NOL4: variants seen among roughly 807,000 people sequenced by gnomAD.
The protein encoded by NOL4 is cancer/testis antigen 125.
A neutral mutation model predicts 75.9 loss-of-function variants in NOL4; 17 were observed. That is an observed-to-expected ratio of 0.22 (90% CI 0.15 to 0.34). The LOEUF is 0.34. Among genes scored for constraint, NOL4 ranks in the 10% least tolerant of loss-of-function variants. NOL4 has a pLI of 1.00. For missense variants in NOL4, 614 were observed against 793.5 expected, an observed-to-expected ratio of 0.77 and a Z score of 2.72; for synonymous variants, 292 against 289.9, an observed-to-expected ratio of 1.01 and a Z score of -0.07.
intron 6 of NOL4, among the ~76,000 whole-genome samples, chr18:33,997,937 GC>G (rs2073413230): frequency 6.6e-6 from 1 of 151,706 alleles, no homozygotes; most frequent in Non-Finnish European, 1.5e-5. Flanking sequence ...TGTCCATTGG[GC>G]TGAATAATGA....
chr18:34,007,796 G>C (rs2074121219), intron 6 of NOL4, among the ~76,000 whole-genome samples: 1 of 152,014 alleles, frequency 6.6e-6, no homozygotes, highest in Non-Finnish European at 1.5e-5. Context: ...TAGTATAGTT[G>C]TATCATGTCA....
chr18:34,161,861 A>G (rs952908381), intron 1 of NOL4, among the ~76,000 whole-genome samples: 6 of 152,182 alleles, frequency 3.9e-5, no homozygotes, highest in African/African-American at 1.4e-4. Flanking sequence ...GAAATATTCA[A>G]CTTTATAAGG....
intron 2 of NOL4, among the ~76,000 whole-genome samples, chr18:34,110,933 C>T (rs559288236): frequency 5.3e-5 from 8 of 151,918 alleles, no homozygotes; most frequent in Non-Finnish European, 7.4e-5. Context: ...TTTAAAATAG[C>T]ATCAAAAATA....
chr18:34,105,167 T>C lies in NOL4; in HGVS notation c.415-7A>G, dbSNP rs370080852. The C allele has an allele frequency of 6.4e-6, 10 of 1,565,930 alleles. No individual in the cohort carries two copies. The highest frequency in any genetic ancestry group is 8.8e-6 in the Non-Finnish European group (10 of 1,136,866). On this transcript the variant is annotated splice_region_variant and splice_polypyrimidine_tract_variant and intron_variant, in intron 2 of 10. Coordinates refer to ENST00000261592, the MANE Select transcript of NOL4 (RefSeq NM_003787.5). ...AGGCATAGCTCTCTGAAATCTGAAA[T>C]GATTCACAAAATACAGGTGTTATTA... is the stretch of plus-strand genomic sequence containing the variant.
chr18:33,853,081 C>T (rs1324027467), intron 10 of NOL4, 46 bp from the exon 11 acceptor site: 2 of 1,503,412 alleles, frequency 1.3e-6, no homozygotes, highest in African/African-American at 2.8e-5. Flanking sequence ...ATTATTTGTT[C>T]CAGCATCTTG....
chr18:34,095,636 T>C lies in NOL4; in HGVS notation c.640-2039A>G, dbSNP rs146659299. Among the ~76,000 whole-genome samples the C allele has an allele frequency of 2.3e-3, 352 of 152,262 alleles. 1 individual carries two copies. Among genetic ancestry groups the C allele is most frequent in the African/African-American group, 8.1e-3 (335 of 41,560 alleles). Reference sequence around the variant, plus strand: ...ACATGTGGAGTGAGGGCGTGTACTATATTTAAAGTATCTAGAACAATGTCA... The same window carrying C: ...ACATGTGGAGTGAGGGCGTGTACTACATTTAAAGTATCTAGAACAATGTCA... On this transcript the variant is annotated intron_variant, in intron 4 of 10. Transcript: ENST00000261592.
intron 8 of NOL4, among the ~76,000 whole-genome samples, chr18:33,947,260 T>C (rs892730726): frequency 6.6e-6 from 1 of 151,790 alleles, no homozygotes; most frequent in Non-Finnish European, 1.5e-5. Context: ...TTCTGAACTC[T>C]CCTTTTCATC....
intron 8 of NOL4, among the ~76,000 whole-genome samples, chr18:33,953,503 A>T (rs1370508656): frequency 6.6e-6 from 1 of 150,782 alleles, no homozygotes; most frequent in Non-Finnish European, 1.5e-5. Flanking sequence ...TGTAAGATTT[A>T]TTTGGGAAAC....
intron 5 of NOL4, among the ~76,000 whole-genome samples, chr18:34,051,837 A>T (rs978433776): frequency 2.0e-5 from 3 of 152,032 alleles, no homozygotes; most frequent in Non-Finnish European, 4.4e-5. Flanking sequence ...TTTAAGTATT[A>T]GTGCTTCAGA....
intron 1 of NOL4, among the ~76,000 whole-genome samples, chr18:34,185,628 T>C (rs1029583388): frequency 5.9e-5 from 9 of 152,182 alleles, no homozygotes; most frequent in Middle Eastern, 3.2e-3. Context: ...TCTACTCTTT[T>C]CAATTGTGTT....
At chr18:34,173,366 T>C (rs2033231168) in intron 1 of NOL4, among the ~76,000 whole-genome samples, 1 of 152,034 alleles carries the variant, frequency 6.6e-6, no homozygotes, top group African/African-American at 2.4e-5. Flanking sequence ...TGATATTTGA[T>C]GAGAGGGCAG....
chr18:33,884,811 T>G (rs1188001049), intron 9 of NOL4, among the ~76,000 whole-genome samples: 2 of 152,130 alleles, frequency 1.3e-5, no homozygotes. Flanking sequence ...ATTAGTTTGC[T>G]CTATTGAAAC....
rs565047860 is a variant in NOL4, at chr18:33,914,278, G to C, written c.1542+28787C>G. Among the ~76,000 whole-genome samples the C allele has an allele frequency of 1.8e-4, 28 of 152,102 alleles. No homozygotes were observed. In the South Asian group the frequency reaches 5.8e-3, roughly 32 times the overall value. On this transcript the variant is annotated intron_variant, in intron 9 of 10. Coordinates refer to ENST00000261592, the MANE Select transcript of NOL4 (RefSeq NM_003787.5). ...GTGGGGATAGCATTCTAAGTAGAAGGAATAAGTGCAAAGACCCTGAGACAG... is the reference window on the plus strand; with the variant it reads ...GTGGGGATAGCATTCTAAGTAGAAGCAATAAGTGCAAAGACCCTGAGACAG...
chr18:33,864,144 C>A (rs570498468), intron 10 of NOL4, among the ~76,000 whole-genome samples: 1 of 152,278 alleles, frequency 6.6e-6, no homozygotes, highest in Non-Finnish European at 1.5e-5. Context: ...TCCTCCTAGA[C>A]CTCCAGGCCT....
chr18:33,950,290 A>G (rs1444778521), intron 8 of NOL4, among the ~76,000 whole-genome samples: 3 of 150,914 alleles, frequency 2.0e-5, no homozygotes, highest in Admixed American at 1.3e-4. Context: ...TTCTTTTGTG[A>G]AAAAAAAACT....
intron 9 of NOL4, among the ~76,000 whole-genome samples, chr18:33,891,061 T>C (rs1456608759): frequency 6.6e-6 from 1 of 151,258 alleles, no homozygotes; most frequent in Non-Finnish European, 1.5e-5. Context: ...TATAATATAA[T>C]ATATATATTA....
chr18:33,908,729 T>G (rs1356924284), intron 9 of NOL4, among the ~76,000 whole-genome samples: 1 of 152,276 alleles, frequency 6.6e-6, no homozygotes, highest in East Asian at 1.9e-4. Flanking sequence ...TATATTAATG[T>G]GAAGTTAAAT....
intron 9 of NOL4, among the ~76,000 whole-genome samples, chr18:33,929,221 CTTCT>C (rs1400395775): frequency 6.6e-6 from 1 of 152,142 alleles, no homozygotes; most frequent in East Asian, 1.9e-4. Flanking sequence ...CCAGTCATCT[CTTCT>C]TTGATTTCTT....
At chr18:34,178,564 A>T (rs2033757985) in intron 1 of NOL4, among the ~76,000 whole-genome samples, 1 of 151,738 alleles carries the variant, frequency 6.6e-6, no homozygotes, top group Non-Finnish European at 1.5e-5. Context: ...TTATAAAAAT[A>T]TCAGATCAAA....
Sources: gnomAD v4.1 joint callset for allele counts (sites outside exome capture counted in the v4.1 genomes callset) on GRCh38, gnomAD v4.1.1 for gene constraint, MANE v1.5 for transcripts, NCBI Gene and HGNC (gene_info 2026-07-23, HGNC 2026-07-21) for gene names.